Variants in TOP6BL observed in about 807,000 individuals in gnomAD.
TOP6BL encodes the protein TOP6B like initiator of meiotic double strand breaks.
At chr11:66,781,213 A>G in the TOP6BL span, among the ~76,000 whole-genome samples, 1 of 151,892 alleles carries the variant, frequency 6.6e-6, no homozygotes, top group African/African-American at 2.4e-5. Flanking sequence ...ATATTTTCCT[A>G]CAGGTTTCTA....
At chr11:66,791,606 C>G in the TOP6BL span, among the ~76,000 whole-genome samples, 1 of 152,024 alleles carries the variant, frequency 6.6e-6, no homozygotes, top group African/African-American at 2.4e-5. Context: ...TATATTCTGT[C>G]ATATAATTAG....
the TOP6BL span, among the ~76,000 whole-genome samples, chr11:66,747,902 A>G: frequency 6.6e-6 from 1 of 152,194 alleles, no homozygotes; most frequent in Non-Finnish European, 1.5e-5. Flanking sequence ...TTGCAGGCAT[A>G]AGCTACCGCG....
the TOP6BL span, among the ~76,000 whole-genome samples, chr11:66,817,404 A>G: frequency 6.6e-6 from 1 of 152,098 alleles, no homozygotes; most frequent in Admixed American, 6.6e-5. Context: ...TCCATGAAAC[A>G]CATGCATCAG....
chr11:66,751,472 C>T, the TOP6BL span, among the ~76,000 whole-genome samples: 4 of 150,890 alleles, frequency 2.7e-5, no homozygotes, highest in South Asian at 8.4e-4. Context: ...GGATTATAGG[C>T]GTGAGCCACC....
chr11:66,745,638 AC>A, the TOP6BL span, among the ~76,000 whole-genome samples: 1 of 152,076 alleles, frequency 6.6e-6, no homozygotes, highest in African/African-American at 2.4e-5. Context: ...CTGAGAGAGT[AC>A]CCCCGGGCGT....
the TOP6BL span, among the ~76,000 whole-genome samples, chr11:66,826,579 A>T: frequency 1.3e-5 from 2 of 152,244 alleles, no homozygotes; most frequent in Non-Finnish European, 2.9e-5. Context: ...GGGTAGTGAA[A>T]AGAACACTAT....
At chr11:66,777,890 T>C in the TOP6BL span, among the ~76,000 whole-genome samples, 1 of 152,130 alleles carries the variant, frequency 6.6e-6, no homozygotes, top group Admixed American at 6.5e-5. Context: ...AAGTTGTGTC[T>C]TGTAATGCTA....
At chr11:66,816,294 T>G in the TOP6BL span, 6 of 1,293,148 alleles carry the variant, frequency 4.6e-6, no homozygotes, top group Non-Finnish European at 6.2e-6. Flanking sequence ...TTAGATATAT[T>G]TCTGTAGAAT....
At chr11:66,816,037 A>C in the TOP6BL span, 1 of 1,576,746 alleles carries the variant, frequency 6.3e-7, no homozygotes. Context: ...AATTCGTGTA[A>C]TATCTTGTCC....
the TOP6BL span, among the ~76,000 whole-genome samples, chr11:66,773,877 C>T: frequency 6.6e-6 from 1 of 152,040 alleles, no homozygotes; most frequent in Admixed American, 6.6e-5. Context: ...GCTGGGATTA[C>T]AGGCCCCCAC....
At chr11:66,822,732 G>C in the TOP6BL span, 2 of 1,215,822 alleles carry the variant, frequency 1.6e-6, no homozygotes, top group Non-Finnish European at 2.4e-6. Context: ...GGCTGGGTAC[G>C]GTGGCTCATG....
chr11:66,827,095 C>T, the TOP6BL span, among the ~76,000 whole-genome samples: 2 of 151,806 alleles, frequency 1.3e-5, no homozygotes, highest in South Asian at 2.1e-4. Flanking sequence ...GATTCTCCTG[C>T]CTCAGCCTCC....
At chr11:66,812,912 G>A in the TOP6BL span, among the ~76,000 whole-genome samples, 1 of 152,200 alleles carries the variant, frequency 6.6e-6, no homozygotes, top group African/African-American at 2.4e-5. Context: ...CCACCGCAGT[G>A]AAGAATTATC....
At chr11:66,768,668 GTTTTTTT>G in the TOP6BL span, among the ~76,000 whole-genome samples, 9 of 115,468 alleles carry the variant, frequency 7.8e-5, no homozygotes, top group Non-Finnish European at 1.5e-4. Context: ...TTTGTTTTTT[GTTTTTTT>G]TTTTTTTTGC....
chr11:66,745,700 TA>T, the TOP6BL span, among the ~76,000 whole-genome samples: 1 of 152,270 alleles, frequency 6.6e-6, no homozygotes, highest in African/African-American at 2.4e-5. Flanking sequence ...ATTTTACAAA[TA>T]ACCGAACCTA....
chr11:66,785,116 C>T, the TOP6BL span, among the ~76,000 whole-genome samples: 5 of 151,718 alleles, frequency 3.3e-5, no homozygotes, highest in African/African-American at 7.3e-5. Flanking sequence ...CCACCATGCC[C>T]GGCTAATTTT....
At chr11:66,826,669 T>A in the TOP6BL span, among the ~76,000 whole-genome samples, 18 of 151,992 alleles carry the variant, frequency 1.2e-4, no homozygotes, top group African/African-American at 4.3e-4. Context: ...TCACTTCTTT[T>A]TTTTTTATTT....
At chr11:66,837,445 A>ATT in the TOP6BL span, among the ~76,000 whole-genome samples, 1,193 of 111,848 alleles carry the variant, frequency 0.011, 27 homozygotes, top group African/African-American at 0.035. Context: ...CAAATTTTTA[A>ATT]TTTTTTTTTT....
At chr11:66,776,126 T>C in the TOP6BL span, among the ~76,000 whole-genome samples, 1 of 151,908 alleles carries the variant, frequency 6.6e-6, no homozygotes, top group African/African-American at 2.4e-5. Flanking sequence ...TGGCGTGATC[T>C]CGGCTCACTG....
Sources: gnomAD v4.1 joint callset for allele counts (sites outside exome capture counted in the v4.1 genomes callset) on GRCh38, gnomAD v4.1.1 for gene constraint, MANE v1.5 for transcripts, NCBI Gene and HGNC (gene_info 2026-07-23, HGNC 2026-07-21) for gene names.